SPATA18: variants seen among roughly 807,000 people sequenced by gnomAD.
SPATA18 encodes the protein spermatogenesis associated 18.
SPATA18 carries 54 observed loss-of-function variants against 68.1 expected under a neutral mutation model. The ratio of observed to expected loss-of-function variants is 0.79; its 90% CI spans 0.64 to 0.99. The LOEUF (loss-of-function observed/expected upper bound fraction) is 0.99. Ranked by LOEUF, SPATA18 falls within the 50% of genes least tolerant of loss-of-function variation. SPATA18 has a pLI of 0.00. For missense variants in SPATA18, 724 were observed against 681.1 expected, an observed-to-expected ratio of 1.06 and a Z score of -0.70; for synonymous variants, 242 against 244.8, an observed-to-expected ratio of 0.99 and a Z score of 0.11.
At position 52,071,898 on chromosome 4, in the gene SPATA18, C is replaced by G. The variant is rs1373337716; in HGVS notation, c.519-19C>G. 1 of 1,610,850 alleles carries G rather than the reference C, an allele frequency of 6.2e-7. No individual in the cohort carries two copies. Among genetic ancestry groups the G allele is most frequent in the Non-Finnish European group, 8.5e-7 (1 of 1,178,506 alleles). ...CTCTCCTCTCTTCCCTTCCTCTGCC[C>G]TCTCTCTTTGCTGTTCAGGCTTAAA... On this transcript the variant is annotated intron_variant, in intron 5 of 12. Coordinates refer to ENST00000295213, the MANE Select transcript of SPATA18 (RefSeq NM_145263.4).
intron 1 of SPATA18, among the ~76,000 whole-genome samples, chr4:52,054,677 C>T (rs547144623): frequency 1.3e-5 from 2 of 151,950 alleles, no homozygotes; most frequent in African/African-American, 2.4e-5. Flanking sequence ...CTCTGTGGAC[C>T]GGCCAGAACC....
chr4:52,076,715 G>C (rs1203789608), intron 6 of SPATA18, 64 bp from the exon 7 acceptor site: 1 of 1,589,062 alleles, frequency 6.3e-7, no homozygotes, highest in Non-Finnish European at 8.6e-7. Flanking sequence ...GCCACCAGAT[G>C]ATCTTTGCTT....
intron 10 of SPATA18, among the ~76,000 whole-genome samples, chr4:52,083,744 T>A (rs1033536924): frequency 2.0e-5 from 3 of 147,588 alleles, no homozygotes; most frequent in African/African-American, 7.4e-5. Context: ...ATCCTGTCTT[T>A]TTTTTTTTTT....
chr4:52,071,602 G>T (rs945397843), intron 5 of SPATA18, among the ~76,000 whole-genome samples: 1 of 152,192 alleles, frequency 6.6e-6, no homozygotes, highest in Non-Finnish European at 1.5e-5. Context: ...ATGCAGTTAA[G>T]ATCTGTCCAA....
chr4:52,078,734 G>A lies in SPATA18; in HGVS notation c.1021-1G>A. ...TAAATTTGCTGCATTTTTATGTGCAGGAGGCATTCCATGTAGCAAAAATGG... is the reference window on the plus strand; with the variant it reads ...TAAATTTGCTGCATTTTTATGTGCAAGAGGCATTCCATGTAGCAAAAATGG... On this transcript the variant is annotated splice_acceptor_variant, in intron 7 of 12. Transcript: ENST00000295213. LOFTEE classifies it high-confidence loss of function. 3 of 1,568,084 alleles carry A rather than the reference G, an allele frequency of 1.9e-6. No homozygotes were observed. Among genetic ancestry groups the A allele is most frequent in the Non-Finnish European group, 2.6e-6 (3 of 1,144,782 alleles).
intron 8 of SPATA18, among the ~76,000 whole-genome samples, chr4:52,079,493 G>A (rs1353137404): frequency 6.6e-6 from 1 of 152,120 alleles, no homozygotes; most frequent in African/African-American, 2.4e-5. Flanking sequence ...GCCACAGAAG[G>A]TTTTTTTCCT....
rs1461105586 is a variant in SPATA18 at position 52,071,914 on chromosome 4, C to A, written c.519-3C>A. 6.2e-7 allele frequency: 1 copy of A among 1,613,006 alleles called. No homozygotes were observed. Among genetic ancestry groups the A allele is most frequent in the Admixed American group, 1.7e-5 (1 of 59,948 alleles). ...TCCTCTGCCCTCTCTCTTTGCTGTT[C>A]AGGCTTAAATCTCTTCAAGCTCAGG... is the stretch of plus-strand genomic sequence containing the variant. On this transcript the variant is annotated splice_region_variant and splice_polypyrimidine_tract_variant and intron_variant, in intron 5 of 12. Transcript: ENST00000295213.
intron 11 of SPATA18, among the ~76,000 whole-genome samples, chr4:52,089,710 G>C (rs1741766695): frequency 1.3e-5 from 2 of 152,166 alleles, no homozygotes; most frequent in Admixed American, 6.5e-5. Flanking sequence ...CAATTATGTG[G>C]TCAATTTTAG....
chr4:52,093,316 G>A (rs1289247116), intron 11 of SPATA18, among the ~76,000 whole-genome samples: 1 of 152,174 alleles, frequency 6.6e-6, no homozygotes, highest in Non-Finnish European at 1.5e-5. Context: ...ATTTGGTCAT[G>A]AGGAAGGCAT....
chr4:52,074,090 G>A (rs1451055972), intron 6 of SPATA18, among the ~76,000 whole-genome samples: 2 of 152,118 alleles, frequency 1.3e-5, no homozygotes, highest in South Asian at 2.1e-4. Flanking sequence ...CAAGAGTTGC[G>A]ATAGTTCCCA....
chr4:52,052,663 G>A (rs1738003581), intron 1 of SPATA18, among the ~76,000 whole-genome samples: 1 of 152,244 alleles, frequency 6.6e-6, no homozygotes, highest in Admixed American at 6.5e-5. Flanking sequence ...GAATGACGGA[G>A]TCAAATTATT....
intron 5 of SPATA18, 124 bp downstream of exon 5, chr4:52,070,040 T>TTA (rs34106590): frequency 2.2e-3 from 529 of 240,180 alleles, no homozygotes; most frequent in South Asian, 8.9e-3. Context: ...TTTTTATTAA[T>TTA]TATATATATA....
intron 4 of SPATA18, among the ~76,000 whole-genome samples, chr4:52,068,859 A>G (rs1178913004): frequency 1.3e-5 from 2 of 151,728 alleles, no homozygotes; most frequent in Non-Finnish European, 2.9e-5. Flanking sequence ...AGTATCATCT[A>G]TCTCACTTCC....
intron 11 of SPATA18, among the ~76,000 whole-genome samples, chr4:52,086,401 C>T (rs148232525): frequency 6.6e-6 from 1 of 152,178 alleles, no homozygotes; most frequent in East Asian, 1.9e-4. Flanking sequence ...TAATGTTATC[C>T]CTCTCCTAGA....
chr4:52,058,027 A>G (rs1398792411), intron 1 of SPATA18, among the ~76,000 whole-genome samples: 1 of 152,240 alleles, frequency 6.6e-6, no homozygotes, highest in Non-Finnish European at 1.5e-5. Flanking sequence ...TGATCTAGCC[A>G]GAGGGCAAAA....
intron 6 of SPATA18, among the ~76,000 whole-genome samples, chr4:52,073,616 T>TA (rs1024411680): frequency 2.6e-5 from 4 of 152,084 alleles, no homozygotes; most frequent in East Asian, 3.9e-4. Context: ...TAAAAAAAGT[T>TA]AAAAAAATGA....
At position 52,081,000 on chromosome 4, in the gene SPATA18, C is replaced by T. The variant is rs565419133; in HGVS notation, c.1355+1081C>T. The stretch of plus-strand genomic sequence containing the variant: ...CCTTATAGCATGTAATATTTTCTTG[C>T]CATTGTCTTGCTTCTAGTTTCTCCA... On this transcript the variant is annotated intron_variant, in intron 9 of 12. Coordinates refer to ENST00000295213, the MANE Select transcript of SPATA18 (RefSeq NM_145263.4). Among the ~76,000 whole-genome samples, 4 of 152,286 alleles carry T rather than the reference C, an allele frequency of 2.6e-5. No homozygotes were observed. In the South Asian group the frequency reaches 8.3e-4, roughly 32 times the overall value.
At chr4:52,090,093 G>A (rs994625917) in intron 11 of SPATA18, among the ~76,000 whole-genome samples, 9 of 152,074 alleles carry the variant, frequency 5.9e-5, no homozygotes, top group African/African-American at 2.2e-4. Flanking sequence ...TCAGAGATTA[G>A]GATTGCAACC....
intron 11 of SPATA18, among the ~76,000 whole-genome samples, chr4:52,085,465 G>T (rs1238518120): frequency 6.6e-6 from 1 of 151,990 alleles, no homozygotes; most frequent in Non-Finnish European, 1.5e-5. Context: ...AAAAAATAAG[G>T]TTTTTTTGTG....
Sources: allele counts gnomAD v4.1 joint callset (sites outside exome capture counted in the v4.1 genomes callset), GRCh38; gene constraint gnomAD v4.1.1; transcripts MANE v1.5; gene names NCBI Gene and HGNC (gene_info 2026-07-23, HGNC 2026-07-21).